FPGS: variants seen among roughly 807,000 people sequenced by gnomAD.
The protein encoded by FPGS is folylpolyglutamate synthase, also known as folylpolyglutamate synthase, mitochondrial.
A neutral mutation model predicts 66.5 loss-of-function variants in FPGS; 53 were observed. That is an observed-to-expected ratio of 0.80 (90% CI 0.64 to 1.00). The LOEUF (loss-of-function observed/expected upper bound fraction) is 1.00, where lower values mean the gene tolerates loss of function less well. Ranked by LOEUF, FPGS falls within the 50% of genes least tolerant of loss-of-function variation. The probability of loss-of-function intolerance (pLI) is 0.00; values close to 1 mark genes in which losing one functional copy is unlikely to be tolerated. For synonymous variants in FPGS, 348 were observed against 350.9 expected (o/e 0.99, Z 0.09); for missense variants, 702 against 807.7 (o/e 0.87, Z 1.59).
At chr9:127,809,940 G>A in intron 12 of FPGS, 91 bp from the exon 13 acceptor site, 5 of 1,358,290 alleles carry the variant, frequency 3.7e-6, no homozygotes, top group Non-Finnish European at 5.1e-6. Flanking sequence ...GCGGGCCCAT[G>A]GGGAGGGGCG....
chr9:127,811,520 C>T (rs1406129880), intron 14 of FPGS, among the ~76,000 whole-genome samples: 1 of 152,104 alleles, frequency 6.6e-6, no homozygotes, highest in Non-Finnish European at 1.5e-5. Flanking sequence ...GAGTCTCACT[C>T]TGTCCCCCAG....
chr9:127,807,277 C>T lies in FPGS; in HGVS notation c.570C>T (p.Leu190=), dbSNP rs1588555190. 2 of 1,614,036 alleles carry T rather than the reference C, an allele frequency of 1.2e-6. No individual in the cohort carries two copies. The highest frequency in any genetic ancestry group is 2.2e-5 in the East Asian group (1 of 44,896). Residue 190 remains leucine (L), a synonymous_variant, in exon 6 of 15, where the codon CTC becomes CTT. Transcript: ENST00000373247. The surrounding 1 kb of genome is among the most constrained non-coding windows in gnomAD (Gnocchi z 5.8). The part of the protein sequence containing the change: ...FLTLMAFHVF[L]QEKVDLAVVE... Reference sequence around the variant, plus strand: ...CACTCATGGCCTTCCACGTCTTCCTCCAAGAGAAGGTGTGTGCCCTCTCCC... The same window carrying T: ...CACTCATGGCCTTCCACGTCTTCCTTCAAGAGAAGGTGTGTGCCCTCTCCC...
At chr9:127,810,334 G>A (rs2131856115) in intron 13 of FPGS, among the ~76,000 whole-genome samples, 1 of 152,250 alleles carries the variant, frequency 6.6e-6, no homozygotes, top group East Asian at 1.9e-4. Context: ...TAAGAGGAGG[G>A]CCAGATCGTG....
intron 14 of FPGS, among the ~76,000 whole-genome samples, chr9:127,812,770 G>T (rs1588565722): frequency 1.3e-5 from 2 of 151,994 alleles, no homozygotes; most frequent in Admixed American, 6.6e-5. Context: ...CAGGTGATCC[G>T]CCCGCCTCGG....
chr9:127,814,137 G>A, downstream of FPGS: 2 of 985,986 alleles, frequency 2.0e-6, no homozygotes, highest in Non-Finnish European at 2.4e-6. Context: ...TGGTGGTCAG[G>A]GACCTGCACT....
chr9:127,814,083 C>T, downstream of FPGS: 2 of 987,314 alleles, frequency 2.0e-6, no homozygotes, highest in Non-Finnish European at 2.4e-6. Context: ...TTCGACTGAC[C>T]CTTGACCCCC....
At chr9:127,812,930 G>C (rs1210324818) in intron 14 of FPGS, among the ~76,000 whole-genome samples, 1 of 152,224 alleles carries the variant, frequency 6.6e-6, no homozygotes, top group Non-Finnish European at 1.5e-5. Flanking sequence ...TGAGGCCAGA[G>C]TGGGGAAGGG....
chr9:127,810,336 C>T lies in FPGS; in HGVS notation c.1287+230C>T, dbSNP rs551279185. Reference sequence around the variant, plus strand: ...TCAAGTCCAGGCTTAAGAGGAGGGCCAGATCGTGGCTAAAGGTGTAGACTC... The same window carrying T: ...TCAAGTCCAGGCTTAAGAGGAGGGCTAGATCGTGGCTAAAGGTGTAGACTC... On this transcript the variant is annotated intron_variant, in intron 13 of 14. Transcript: ENST00000373247. 9.2e-4 allele frequency among the ~76,000 whole-genome samples: 140 copies of T among 152,228 alleles called. 2 individuals carry two copies. Among genetic ancestry groups the T allele is most frequent in the African/African-American group, 3.2e-3 (134 of 41,534 alleles).
At chr9:127,804,440 C>T in intron 2 of FPGS, 27 bp downstream of exon 2, 1 of 1,613,978 alleles carries the variant, frequency 6.2e-7, no homozygotes, top group African/African-American at 1.3e-5. Flanking sequence ...CTGTGACCAC[C>T]TCCCACCCCC....
Position 127,807,356 on chromosome 9 carries a change from T to A in FPGS, c.580-65T>A. The A allele has an allele frequency of 1.9e-6, 3 of 1,611,214 alleles. No homozygotes were observed. The highest frequency in any genetic ancestry group is 2.5e-6 in the Non-Finnish European group (3 of 1,177,540). On this transcript the variant is annotated intron_variant, in intron 6 of 14. Transcript: ENST00000373247. The surrounding 1 kb of genome is among the most constrained non-coding windows in gnomAD (Gnocchi z 5.8). Reference sequence around the variant, plus strand: ...CGGGAACCTCAGCAGGCCTGGGGGCTCCCTGCTTCCATGCGGCCTCTGGGC... The same window carrying A: ...CGGGAACCTCAGCAGGCCTGGGGGCACCCTGCTTCCATGCGGCCTCTGGGC...
chr9:127,807,069 C>T lies in FPGS; in HGVS notation c.483C>T (p.His161=). The change falls in exon 5 of 15, where the codon CAC becomes CAT. Residue 161 remains histidine, a synonymous_variant. Coordinates refer to ENST00000373247, the MANE Select transcript of FPGS (RefSeq NM_004957.6). The surrounding 1 kb of genome is among the most constrained non-coding windows in gnomAD (Gnocchi z 5.8). The part of the protein sequence containing the change: ...LFTKYFWRLY[H]RLEETKDGSC... The stretch of plus-strand genomic sequence containing the variant: ...CCAAGTACTTCTGGCGCCTCTACCA[C>T]CGGCTGGAGGAGACCAAGGTGCCGC... 6.2e-7 allele frequency: 1 copy of T among 1,614,130 alleles called. No individual in the cohort carries two copies. The highest frequency in any genetic ancestry group is 1.1e-5 in the South Asian group (1 of 91,088).
intron 13 of FPGS, among the ~76,000 whole-genome samples, chr9:127,810,564 C>G (rs1382883224): frequency 6.6e-6 from 1 of 152,004 alleles, no homozygotes; most frequent in Non-Finnish European, 1.5e-5. Context: ...TGAAGTGGCC[C>G]CTAGGTATCA....
chr9:127,807,399 C>T lies in FPGS; in HGVS notation c.580-22C>T. 6.2e-7 allele frequency: 1 copy of T among 1,613,498 alleles called. No individual in the cohort carries two copies. The highest frequency in any genetic ancestry group is 8.5e-7 in the Non-Finnish European group (1 of 1,179,630). ...CTCTGGGCACCCTCATATCCCCTGC[C>T]ATGCCCTCTGGTCTTTGACAGGTGG... is the stretch of plus-strand genomic sequence containing the variant. On this transcript the variant is annotated intron_variant, in intron 6 of 14. Transcript: ENST00000373247. The surrounding 1 kb of genome is among the most constrained non-coding windows in gnomAD (Gnocchi z 5.8).
At chr9:127,808,173 C>A in intron 8 of FPGS, 61 bp from the exon 9 acceptor site, 1 of 1,262,132 alleles carries the variant, frequency 7.9e-7, no homozygotes, top group Non-Finnish European at 1.2e-6. Context: ...GATGTGGGGG[C>A]CAGAGATAGG....
intron 14 of FPGS, among the ~76,000 whole-genome samples, 195 bp downstream of exon 14, chr9:127,811,206 C>T (rs964494710): frequency 1.3e-5 from 2 of 152,076 alleles, no homozygotes; most frequent in Non-Finnish European, 1.5e-5. Flanking sequence ...TGGCTGGCCA[C>T]GGTGGCTCAC....
intron 4 of FPGS, among the ~76,000 whole-genome samples, chr9:127,806,268 G>T (rs1048650021): frequency 6.6e-6 from 1 of 152,232 alleles, no homozygotes; most frequent in African/African-American, 2.4e-5. Flanking sequence ...CACTTTGGGA[G>T]GCTGAGGTGG....
intron 14 of FPGS, among the ~76,000 whole-genome samples, chr9:127,812,849 C>T (rs1830137023): frequency 6.6e-6 from 1 of 152,182 alleles, no homozygotes; most frequent in African/African-American, 2.4e-5. Flanking sequence ...TTTTAACCAG[C>T]ATCCCCAGAA....
Position 127,807,970 on chromosome 9 carries a change from G to A in FPGS, c.745-264G>A, listed in dbSNP as rs1021414314. ...AAAATACAAAAATTAGCCAGGTGTG[G>A]TGGTGTACGCCTGTAGTTCCAGCTA... On this transcript the variant is annotated intron_variant, in intron 8 of 14. Transcript: ENST00000373247. The surrounding 1 kb of genome is among the most constrained non-coding windows in gnomAD (Gnocchi z 5.8). 17 of 570,068 alleles carry A rather than the reference G, an allele frequency of 3.0e-5. No homozygotes were observed. The highest frequency in any genetic ancestry group is 1.6e-4 in the Admixed American group (5 of 31,692). The allele number at this position is 570,068 out of a possible 1,614,324, so 35.3% of individuals were successfully genotyped here. A position where few individuals can be genotyped will look rare whatever the true frequency, so the allele number is the denominator to read the frequency against.
chr9:127,804,483 T>C lies in FPGS; in HGVS notation c.268-16T>C. ...ATTCCCGTAGCTGAGGCAGGGACCTTGTCTGTCTGTCCCAGGTGGAGGACT... is the reference window on the plus strand; with the variant it reads ...ATTCCCGTAGCTGAGGCAGGGACCTCGTCTGTCTGTCCCAGGTGGAGGACT... On this transcript the variant is annotated splice_polypyrimidine_tract_variant and intron_variant, in intron 2 of 14. Coordinates refer to ENST00000373247, the MANE Select transcript of FPGS (RefSeq NM_004957.6). The C allele has an allele frequency of 6.2e-7, 1 of 1,613,990 alleles. No individual in the cohort carries two copies. Among genetic ancestry groups the C allele is most frequent in the South Asian group, 1.1e-5 (1 of 91,078 alleles).
Sources: gnomAD v4.1 joint callset for allele counts (sites outside exome capture counted in the v4.1 genomes callset) on GRCh38, gnomAD v4.1.1 for gene constraint, Gnocchi (gnomAD v3.1) non-coding constraint, MANE v1.5 for transcripts, NCBI Gene and HGNC (gene_info 2026-07-23, HGNC 2026-07-21) for gene names.